ASIC2: variants seen among roughly 807,000 people sequenced by gnomAD.
ASIC2 encodes the protein acid sensing ion channel subunit 2.
Under a neutral mutation model 57.3 loss-of-function variants are expected in ASIC2, and 25 were observed. The ratio of observed to expected loss-of-function variants is 0.44; its 90% CI spans 0.32 to 0.61. ASIC2 has a LOEUF of 0.61. Among genes scored for constraint, ASIC2 ranks in the 20% least tolerant of loss-of-function variants. The probability of loss-of-function intolerance (pLI) is 0.06; values close to 1 mark genes in which losing one functional copy is unlikely to be tolerated. For synonymous variants in ASIC2, 319 were observed against 307.5 expected, an observed-to-expected ratio of 1.04 and a Z score of -0.39; for missense variants, 641 against 738.1, an observed-to-expected ratio of 0.87 and a Z score of 1.52.
At chr17:33,500,590 C>T (rs920534375) in intron 1 of ASIC2, among the ~76,000 whole-genome samples, 6 of 152,170 alleles carry the variant, frequency 3.9e-5, no homozygotes, top group African/African-American at 1.4e-4. Context: ...TGTGGGTGAC[C>T]TTGGATTCCC....
rs1244592548 is a variant in ASIC2 at position 33,291,983 on chromosome 17, C to T, written c.133G>A (p.Glu45Lys). The T allele has an allele frequency of 3.9e-6, 5 of 1,291,718 alleles. No homozygotes were observed. Among genetic ancestry groups the T allele is most frequent in the East Asian group, 3.1e-5 (1 of 32,078 alleles). The allele number at this position is 1,291,718 out of a possible 1,614,324, so 80.0% of individuals were successfully genotyped here. A position where few individuals can be genotyped will look rare whatever the true frequency, so the allele number is the denominator to read the frequency against. Residue 45 changes from glutamate to lysine, a missense_variant, in exon 1 of 10, where the codon GAG becomes AAG. Around this residue, in one of 3 missense-constraint regions of ASIC2, gnomAD observed 382 missense variants for 398.0 expected, o/e 0.96. Coordinates refer to ENST00000225823, the MANE Select transcript of ASIC2 (RefSeq NM_183377.2). ...AGQPGGGRGG[E>K]RALQGPGVAR... ...ACCCCTGGCCCCTGCAGCGCCCGCT[C>T]GCCGCCTCTGCCGCCCCCGGGCTGC...
intron 1 of ASIC2, among the ~76,000 whole-genome samples, chr17:34,075,595 T>C (rs1408923366): frequency 3.3e-5 from 5 of 152,226 alleles, no homozygotes; most frequent in Middle Eastern, 3.4e-3. Context: ...CTCCCTGCAG[T>C]ACATATGGCA....
chr17:33,728,144 C>T (rs561647931), intron 1 of ASIC2, among the ~76,000 whole-genome samples: 7 of 152,208 alleles, frequency 4.6e-5, no homozygotes, highest in East Asian at 1.9e-4. Context: ...CCCACATCTG[C>T]GACTTTCTTC....
chr17:33,152,172 G>C (rs1362839510), intron 1 of ASIC2, among the ~76,000 whole-genome samples: 1 of 152,106 alleles, frequency 6.6e-6, no homozygotes, highest in African/African-American at 2.4e-5. Flanking sequence ...GTTCAAGGAG[G>C]TTCAACGTCT....
At chr17:33,991,349 G>A (rs1224681388) in intron 1 of ASIC2, among the ~76,000 whole-genome samples, 1 of 152,204 alleles carries the variant, frequency 6.6e-6, no homozygotes, top group Non-Finnish European at 1.5e-5. Flanking sequence ...GAGCCAGGAT[G>A]AAGTGCCAGG....
At chr17:33,226,300 T>C (rs1225428958) in intron 1 of ASIC2, among the ~76,000 whole-genome samples, 1 of 152,218 alleles carries the variant, frequency 6.6e-6, no homozygotes, top group Non-Finnish European at 1.5e-5. Flanking sequence ...ACATAATCTG[T>C]ACAAGGTACA....
chr17:33,055,927 C>G (rs1286910762), intron 3 of ASIC2, among the ~76,000 whole-genome samples: 1 of 152,208 alleles, frequency 6.6e-6, no homozygotes, highest in Admixed American at 6.5e-5. Context: ...CCTGGGAATA[C>G]TTTTATAAAT....
chr17:33,023,821 G>T (rs777647955), intron 6 of ASIC2, 40 bp downstream of exon 6: 18 of 1,611,108 alleles, frequency 1.1e-5, no homozygotes, highest in African/African-American at 2.7e-5. Context: ...TCCTTATCCA[G>T]TTCCCCCTTC....
chr17:33,132,235 T>C (rs565478486), intron 1 of ASIC2, among the ~76,000 whole-genome samples: 17 of 152,320 alleles, frequency 1.1e-4, no homozygotes, highest in African/African-American at 3.8e-4. Context: ...ACTTATGCAA[T>C]GTGAGCCAAA....
At chr17:33,105,976 A>C (rs1411108868) in intron 2 of ASIC2, among the ~76,000 whole-genome samples, 3 of 152,186 alleles carry the variant, frequency 2.0e-5, no homozygotes, top group Non-Finnish European at 4.4e-5. Context: ...TGAGGGATGA[A>C]GAGTAGGGGT....
At position 33,967,291 on chromosome 17, in the gene ASIC2, A is replaced by G. The variant is rs149172006; in HGVS notation, c.555+188687T>C. On this transcript the variant is annotated intron_variant, in intron 1 of 9. Coordinates refer to the ASIC2 transcript ENST00000359872. ...TGCACTGTGGTCTAGGCTGGAGTAC[A>G]GTGGTACAGTCTCAGCTCACTGCAG... Among the ~76,000 whole-genome samples the G allele has an allele frequency of 2.9e-4, 44 of 152,286 alleles. No individual in the cohort carries two copies. In the East Asian group the frequency reaches 8.3e-3, roughly 29 times the overall value.
At chr17:33,893,026 A>G (rs1308354543) in intron 1 of ASIC2, among the ~76,000 whole-genome samples, 1 of 152,188 alleles carries the variant, frequency 6.6e-6, no homozygotes, top group Non-Finnish European at 1.5e-5. Flanking sequence ...GGCTTTTATT[A>G]ATTATAATAA....
intron 1 of ASIC2, among the ~76,000 whole-genome samples, chr17:33,259,793 C>T (rs1909213991): frequency 6.6e-6 from 1 of 152,180 alleles, no homozygotes; most frequent in Admixed American, 6.5e-5. Flanking sequence ...GTATTCACAT[C>T]ACCTGGGAAT....
At chr17:33,300,947 G>T (rs1398644113) in intron 1 of ASIC2, among the ~76,000 whole-genome samples, 1 of 151,456 alleles carries the variant, frequency 6.6e-6, no homozygotes, top group East Asian at 1.9e-4. Flanking sequence ...AGTTGACATT[G>T]ATTGAGCATT....
intron 1 of ASIC2, among the ~76,000 whole-genome samples, chr17:33,528,836 C>T (rs948311484): frequency 1.2e-4 from 19 of 152,186 alleles, no homozygotes; most frequent in African/African-American, 3.4e-4. Context: ...ACCAGCAACT[C>T]GTCACGAAGG....
chr17:34,120,479 G>A (rs1194791063), intron 1 of ASIC2, among the ~76,000 whole-genome samples: 1 of 151,998 alleles, frequency 6.6e-6, no homozygotes, highest in African/African-American at 2.4e-5. Context: ...TTTGGGGGAT[G>A]TTGGGATAGG....
chr17:33,164,576 G>GCGCACACACACA (rs386418951), intron 1 of ASIC2, among the ~76,000 whole-genome samples: 8 of 149,782 alleles, frequency 5.3e-5, no homozygotes, highest in Non-Finnish European at 7.4e-5. Context: ...GCACATGCAC[G>GCGCACACACACA]CACACACACA....
intron 1 of ASIC2, among the ~76,000 whole-genome samples, chr17:33,600,607 G>A (rs1316594398): frequency 6.6e-6 from 1 of 152,164 alleles, no homozygotes; most frequent in African/African-American, 2.4e-5. Flanking sequence ...ACCCATTTAT[G>A]CCTGAGGTGG....
intron 1 of ASIC2, among the ~76,000 whole-genome samples, chr17:33,678,587 T>C (rs1907900930): frequency 1.3e-5 from 2 of 151,840 alleles, no homozygotes; most frequent in African/African-American, 4.8e-5. Flanking sequence ...CCACAGCCGA[T>C]CACTACACCA....
Sources: allele counts gnomAD v4.1 joint callset (sites outside exome capture counted in the v4.1 genomes callset), GRCh38; gene constraint gnomAD v4.1.1; regional missense constraint gnomAD v4.1.1; transcripts MANE v1.5; gene names NCBI Gene and HGNC (gene_info 2026-07-23, HGNC 2026-07-21).